DCTN1: variants seen among roughly 807,000 people sequenced by gnomAD.
The protein encoded by DCTN1 is dynactin subunit 1, also known as 150 kDa dynein-associated polypeptide.
DCTN1 carries 61 observed loss-of-function variants against 161.2 expected under a neutral mutation model. The ratio of observed to expected loss-of-function variants is 0.38; its 90% CI spans 0.31 to 0.47. The LOEUF (loss-of-function observed/expected upper bound fraction) is 0.47. DCTN1 is among the 20% of genes least tolerant of loss of function. The pLI, the probability that DCTN1 is intolerant of heterozygous loss-of-function variation, is 0.99. For missense variants in DCTN1, 1,404 were observed against 1,623.7 expected, an observed-to-expected ratio of 0.86 and a Z score of 2.33; for synonymous variants, 653 against 632.4, an observed-to-expected ratio of 1.03 and a Z score of -0.49.
chr2:74,383,382 G>C (rs1294561588), upstream of DCTN1, among the ~76,000 whole-genome samples: 1 of 152,222 alleles, frequency 6.6e-6, no homozygotes, highest in Non-Finnish European at 1.5e-5. Context: ...CATACTGGGA[G>C]GTAACTGTGG....
chr2:74,361,994 G>T, intron 31 of DCTN1, 58 bp downstream of exon 31: 2 of 1,562,736 alleles, frequency 1.3e-6, no homozygotes, highest in Non-Finnish European at 8.8e-7. Context: ...CTGGAGGAGA[G>T]GGGGGCCCGC....
rs777762235 is a variant in DCTN1, at chr2:74,369,357, C to T, written c.1527G>A (p.Thr509=). ...AQKRVEAAQE[T]VADYQQTIKK... ...TGATGGTCTGCTGGTAGTCTGCAAC[C>T]GTCTCCTGGGCTGCCTCCACACGCT... Residue 509 remains threonine (T), a synonymous_variant, in exon 14 of 32, where the codon ACG becomes ACA. Coordinates refer to ENST00000628224, the MANE Select transcript of DCTN1 (RefSeq NM_004082.5). The surrounding 1 kb of genome is among the most constrained non-coding windows in gnomAD (Gnocchi z 4.9). 3.7e-6 allele frequency: 6 copies of T among 1,614,170 alleles called. No individual in the cohort carries two copies. The highest frequency in any genetic ancestry group is 4.2e-6 in the Non-Finnish European group (5 of 1,180,034).
In DCTN1 at chr2:74,370,097, G is replaced by A. The variant is rs775998968; in HGVS notation, c.1288-28C>T. 6.2e-7 allele frequency: 1 copy of A among 1,613,992 alleles called. No individual in the cohort carries two copies. The highest frequency in any genetic ancestry group is 1.3e-5 in the African/African-American group (1 of 74,924). On this transcript the variant is annotated intron_variant, in intron 12 of 31. Coordinates refer to ENST00000628224, the MANE Select transcript of DCTN1 (RefSeq NM_004082.5). The surrounding 1 kb of genome is among the most constrained non-coding windows in gnomAD (Gnocchi z 4.4). ...GTGTTACGGGGAGGATAGGGAGAAGGGCTGCTGGAAGGTACCTAGAAAGAG... is the reference window on the plus strand; with the variant it reads ...GTGTTACGGGGAGGATAGGGAGAAGAGCTGCTGGAAGGTACCTAGAAAGAG...
chr2:74,374,691 A>G (rs538028215), intron 5 of DCTN1: 1 of 1,196,120 alleles, frequency 8.4e-7, no homozygotes, highest in South Asian at 1.6e-5. Flanking sequence ...GCTCCACCTG[A>G]CGTCATGCAC....
At position 74,365,974 on chromosome 2, in the gene DCTN1, G is replaced by C. The variant is rs145130328; in HGVS notation, c.2805C>G (p.Ile935Met). Residue 935 changes from isoleucine (I) to methionine (M), a missense_variant, in exon 24 of 32, where the codon ATC becomes ATG. By Grantham distance (10) the Ile-to-Met change is conservative. Around this residue, in one of 9 missense-constraint regions of DCTN1, gnomAD observed 475 missense variants for 489.8 expected, o/e 0.97. Coordinates refer to ENST00000628224, the MANE Select transcript of DCTN1 (RefSeq NM_004082.5). Reference sequence around the variant, plus strand: ...TCAAACCCAGGCCTTCAGCATCTGTGATCTCTGCACGAAGGGCAGCAGCCC... The same window carrying C: ...TCAAACCCAGGCCTTCAGCATCTGTCATCTCTGCACGAAGGGCAGCAGCCC... Reference protein sequence around the residue: ...ELRAAALRAEITDAEGLGLKL... With the variant: ...ELRAAALRAEMTDAEGLGLKL... 2.9e-4 allele frequency: 470 copies of C among 1,614,112 alleles called. 1 individual carries two copies. Among genetic ancestry groups the C allele is most frequent in the Admixed American group, 2.3e-4 (14 of 60,014 alleles).
Position 74,369,160 on chromosome 2 carries a change from G to A in DCTN1, c.1639C>T (p.Gln547Ter). 1 of 1,614,268 alleles carries A rather than the reference G, an allele frequency of 6.2e-7. No individual in the cohort carries two copies. Among genetic ancestry groups the A allele is most frequent in the Non-Finnish European group, 8.5e-7 (1 of 1,180,044 alleles). ...AAGTCAAAGGTCTCTGGAGGTGGCTGCTGTTGCCTCTCCACAGATGCTTCC... is the reference window on the plus strand; with the variant it reads ...AAGTCAAAGGTCTCTGGAGGTGGCTACTGTTGCCTCTCCACAGATGCTTCC... ...QQEASVERQQ[Q>*]PPPETFDFKI... is the part of the protein sequence containing the mutation. The change falls in exon 15 of 32, where the codon CAG (glutamine) becomes TAG (stop). Residue 547 changes from glutamine (Q) to a stop codon, truncating the protein, a stop_gained. Coordinates refer to ENST00000628224, the MANE Select transcript of DCTN1 (RefSeq NM_004082.5). LOFTEE classifies it high-confidence loss of function. This position sits in a 1 kb window ranked among gnomAD's most constrained non-coding sequence, Gnocchi z 4.9.
chr2:74,390,115 A>G (rs1228797456), intron 1 of DCTN1, among the ~76,000 whole-genome samples: 1 of 152,174 alleles, frequency 6.6e-6, no homozygotes, highest in African/African-American at 2.4e-5. Flanking sequence ...AGCCACACCC[A>G]TCCTTCAAAG....
At position 74,366,764 on chromosome 2, in the gene DCTN1, C is replaced by T; in HGVS notation, c.2466+19G>A. The T allele has an allele frequency of 6.2e-7, 1 of 1,614,254 alleles. No homozygotes were observed. The highest frequency in any genetic ancestry group is 8.5e-7 in the Non-Finnish European group (1 of 1,180,056). On this transcript the variant is annotated intron_variant, in intron 21 of 31. Coordinates refer to ENST00000628224, the MANE Select transcript of DCTN1 (RefSeq NM_004082.5). ...GTTTCTACTCAGTTTCCTTCCCTTCCCCAGTTGCAGCCTTAAACCTGTGGT... is the reference window on the plus strand; with the variant it reads ...GTTTCTACTCAGTTTCCTTCCCTTCTCCAGTTGCAGCCTTAAACCTGTGGT...
Position 74,366,370 on chromosome 2 carries a change from A to T in DCTN1, c.2634T>A (p.Tyr878Ter), listed in dbSNP as rs1297186180. The change falls in exon 23 of 32, where the codon TAT (tyrosine) becomes TAA (stop). Residue 878 changes from tyrosine (Y) to a stop codon, truncating the protein, a stop_gained. Coordinates refer to ENST00000628224, the MANE Select transcript of DCTN1 (RefSeq NM_004082.5). LOFTEE classifies it high-confidence loss of function. ...CATAGGGGCTGCTGGAGGGGGTCCC[A>T]TAGATCTGCAGGAGCCAAGGGCAGA... The part of the protein sequence containing the change: ...ELAFKASEQI[Y>*]GTPSSSPYEC... 1 of 1,614,152 alleles carries T rather than the reference A, an allele frequency of 6.2e-7. No homozygotes were observed.
At chr2:74,386,979 G>C (rs1038457552) in intron 1 of DCTN1, 2 of 152,182 alleles carry the variant, frequency 1.3e-5, no homozygotes, top group African/African-American at 4.8e-5. Context: ...TCTTCCACAA[G>C]CTGCCACCAT....
Position 74,370,548 on chromosome 2 carries a change from G to A in DCTN1, c.1049-4C>T, listed in dbSNP as rs1423820082. On this transcript the variant is annotated splice_region_variant and splice_polypyrimidine_tract_variant and intron_variant, in intron 10 of 31. Coordinates refer to ENST00000628224, the MANE Select transcript of DCTN1 (RefSeq NM_004082.5). The surrounding 1 kb of genome is among the most constrained non-coding windows in gnomAD (Gnocchi z 4.4). ...CTGGATGCAGCGCCATCTGAGCCTGGAGAAGATCATTAACACTTTCAGGCA... is the reference window on the plus strand; with the variant it reads ...CTGGATGCAGCGCCATCTGAGCCTGAAGAAGATCATTAACACTTTCAGGCA... 4 of 1,613,974 alleles carry A rather than the reference G, an allele frequency of 2.5e-6. No homozygotes were observed. Among genetic ancestry groups the A allele is most frequent in the Non-Finnish European group, 3.4e-6 (4 of 1,180,036 alleles).
chr2:74,380,081 C>CA lies in DCTN1; in HGVS notation c.-45dup. ...ACCCCCTCCCCCAGCTGGCCAAAGA[C>CA]AGAGAGAAAAGGTAGAAACCTAGGC... On this transcript the variant is annotated 5_prime_UTR_variant, in exon 1 of 32. Coordinates refer to ENST00000628224, the MANE Select transcript of DCTN1 (RefSeq NM_004082.5). The CA allele has an allele frequency of 6.2e-7, 1 of 1,612,510 alleles. No homozygotes were observed. The highest frequency in any genetic ancestry group is 8.5e-7 in the Non-Finnish European group (1 of 1,179,002).
In DCTN1 at chr2:74,369,577, G is replaced by A; in HGVS notation, c.1393-86C>T. On this transcript the variant is annotated intron_variant, in intron 13 of 31. Transcript: ENST00000628224. The surrounding 1 kb of genome is among the most constrained non-coding windows in gnomAD (Gnocchi z 4.9). Reference sequence around the variant, plus strand: ...CACACCTGTAATCCCAGCACTTTGGGAGGTCAAAGCAGGCGGATCATGAGG... The same window carrying A: ...CACACCTGTAATCCCAGCACTTTGGAAGGTCAAAGCAGGCGGATCATGAGG... 1 of 1,393,482 alleles carries A rather than the reference G, an allele frequency of 7.2e-7. No homozygotes were observed. The highest frequency in any genetic ancestry group is 1.0e-6 in the Non-Finnish European group (1 of 991,620). 86.3% of individuals were successfully genotyped at this position (1,393,482 alleles called of 1,614,324 possible). A position where few individuals can be genotyped will look rare whatever the true frequency, so the allele number is the denominator to read the frequency against.
At chr2:74,364,836 T>C (rs984963763) in intron 26 of DCTN1, 1 of 569,182 alleles carries the variant, frequency 1.8e-6, no homozygotes, top group East Asian at 3.2e-5. Context: ...CCAACTGTCA[T>C]CATTATTCTG....
Position 74,369,216 on chromosome 2 carries a change from TAGG to T in DCTN1, c.1585-5_1585-3del. The T allele has an allele frequency of 6.2e-6, 10 of 1,614,106 alleles. No individual in the cohort carries two copies. The highest frequency in any genetic ancestry group is 2.2e-5 in the South Asian group (2 of 91,080). ...GTTTGTCAGTTCCCGATTCACATCCTAGGAGGAGAGACAGTGAAGCACAGCTGG... is the reference window on the plus strand; with the variant it reads ...GTTTGTCAGTTCCCGATTCACATCCTAGGAGAGACAGTGAAGCACAGCTGG... On this transcript the variant is annotated splice_polypyrimidine_tract_variant and splice_region_variant and intron_variant, in intron 14 of 31. Coordinates refer to ENST00000628224, the MANE Select transcript of DCTN1 (RefSeq NM_004082.5). This position sits in a 1 kb window ranked among gnomAD's most constrained non-coding sequence, Gnocchi z 4.9.
At chr2:74,379,210 G>A (rs1307790911) in intron 1 of DCTN1, among the ~76,000 whole-genome samples, 1 of 152,142 alleles carries the variant, frequency 6.6e-6, no homozygotes, top group Non-Finnish European at 1.5e-5. Flanking sequence ...ATCACACTTA[G>A]GTCATTTTTA....
intron 26 of DCTN1, 84 bp from the exon 27 acceptor site, chr2:74,363,712 G>A: frequency 6.4e-7 from 1 of 1,569,554 alleles, no homozygotes. Flanking sequence ...CACACCAGAG[G>A]AATCCTGGAC....
chr2:74,376,628 C>G lies in DCTN1; in HGVS notation c.414+114G>C, dbSNP rs968370498. 1.3e-5 allele frequency: 13 copies of G among 1,038,946 alleles called. No homozygotes were observed. In the Admixed American group the frequency reaches 2.6e-4, roughly 21 times the overall value. 64.4% of individuals were successfully genotyped at this position (1,038,946 alleles called of 1,614,324 possible). A position where few individuals can be genotyped will look rare whatever the true frequency, so the allele number is the denominator to read the frequency against. On this transcript the variant is annotated intron_variant, in intron 5 of 31. Transcript: ENST00000628224. ...AGCCAAGGCCACCATTTCCTCTGGC[C>G]ATCCCAGCCCAAGGTCACACACACA...
At chr2:74,374,490 T>C (rs1037837913) in intron 5 of DCTN1, 150 bp from the exon 6 acceptor site, 2 of 1,508,136 alleles carry the variant, frequency 1.3e-6, no homozygotes, top group Non-Finnish European at 1.8e-6. Context: ...AGGAGATTAG[T>C]GCATCAAATC....
Sources: allele counts gnomAD v4.1 joint callset (sites outside exome capture counted in the v4.1 genomes callset), GRCh38; gene constraint gnomAD v4.1.1; regional missense constraint gnomAD v4.1.1; non-coding constraint Gnocchi (gnomAD v3.1); transcripts MANE v1.5; gene names NCBI Gene and HGNC (gene_info 2026-07-23, HGNC 2026-07-21).